The following DMD variants were observed in gnomAD, a reference collection of about 807,000 sequenced individuals.
The protein encoded by DMD is mutant dystrophin.
In DMD, 63 loss-of-function variants were observed where a neutral mutation model predicts 330.1. The observed-to-expected ratio is 0.19, with a 90% CI of 0.16 to 0.24. The LOEUF is 0.24. DMD is among the 10% of genes least tolerant of loss of function. The pLI, the probability that DMD is intolerant of heterozygous loss-of-function variation, is 1.00. For missense variants in DMD, 3,344 were observed against 2,684.1 expected (o/e 1.25, Z -5.43); for synonymous variants, 1,223 against 959.8 (o/e 1.27, Z -5.07).
At chrX:32,436,856 G>A (rs1257013083) in intron 29 of DMD, among the ~76,000 whole-genome samples, 2 of 109,892 alleles carry the variant, frequency 1.8e-5, no homozygotes, top group Non-Finnish European at 3.8e-5. Flanking sequence ...GGAGGCTGAG[G>A]TGGGAAGATC....
intron 51 of DMD, among the ~76,000 whole-genome samples, chrX:31,739,477 C>A (rs777108152): frequency 9.0e-6 from 1 of 111,154 alleles, no homozygotes; most frequent in South Asian, 3.8e-4. Flanking sequence ...AGTAATGTTT[C>A]AATTTGTTGA....
chrX:32,366,284 T>C (rs994724352), intron 34 of DMD, among the ~76,000 whole-genome samples: 3 of 112,130 alleles, frequency 2.7e-5, no homozygotes, highest in Non-Finnish European at 5.6e-5. Flanking sequence ...TGCCTGGTTC[T>C]TTCCCTGCCT....
chrX:31,692,984 A>G (rs1383919356), intron 52 of DMD, among the ~76,000 whole-genome samples: 1 of 112,065 alleles, frequency 8.9e-6, no homozygotes, highest in Non-Finnish European at 1.9e-5. Context: ...AAAGAAAACT[A>G]TAGGCCAATA....
At chrX:31,375,562 ATAGGTGATACT>A (rs2148684377) in intron 60 of DMD, among the ~76,000 whole-genome samples, 1 of 111,804 alleles carries the variant, frequency 8.9e-6, no homozygotes, top group South Asian at 3.8e-4. Context: ...ATGACAGCTA[ATAGGTGATACT>A]TGAGGACATT....
intron 62 of DMD, among the ~76,000 whole-genome samples, chrX:31,306,122 A>C (rs56824643): frequency 0.2 from 22,438 of 110,451 alleles, 4,186 homozygotes; most frequent in African/African-American, 0.58. Context: ...AATTGGGAAA[A>C]CATATTTACT....
At position 31,951,140 on chromosome X, in the gene DMD, T is replaced by C. The variant is rs1374130581; in HGVS notation, c.6614+17199A>G. Among the ~76,000 whole-genome samples, 10 of 71,653 alleles carry C rather than the reference T, an allele frequency of 1.4e-4. 1 individual carries two copies. The highest frequency in any genetic ancestry group is 6.2e-4 in the African/African-American group (10 of 16,020). The allele number at this position is 71,653 out of a possible 115,157, so 62.2% of individuals were successfully genotyped here. A position where few individuals can be genotyped will look rare whatever the true frequency, so the allele number is the denominator to read the frequency against. Reference sequence around the variant, plus strand: ...ATATATACATATATATATATATATATGTGTATATATATATATATGTATATA... The same window carrying C: ...ATATATACATATATATATATATATACGTGTATATATATATATATGTATATA... On this transcript the variant is annotated intron_variant, in intron 45 of 78. Transcript: ENST00000357033.
chrX:31,627,531 T>G, intron 55 of DMD, 142 bp downstream of exon 55: 1 of 599,892 alleles, frequency 1.7e-6, no homozygotes, highest in Non-Finnish European at 2.7e-6. Flanking sequence ...GCCTCTCTCC[T>G]CCTTGTCCAA....
chrX:31,263,983 G>T (rs2050775642), intron 62 of DMD, among the ~76,000 whole-genome samples: 1 of 112,359 alleles, frequency 8.9e-6, no homozygotes, highest in South Asian at 3.7e-4. Flanking sequence ...TACCTGTGAT[G>T]AATCCAGAGC....
intron 7 of DMD, among the ~76,000 whole-genome samples, chrX:32,762,692 TG>T (rs768313591): frequency 6.5e-4 from 72 of 109,959 alleles, no homozygotes; most frequent in Non-Finnish European, 1.2e-3. Context: ...GACCGGAGCC[TG>T]GTGAAGTAAG....
intron 7 of DMD, among the ~76,000 whole-genome samples, chrX:32,758,828 C>A (rs991624856): frequency 9.0e-6 from 1 of 111,727 alleles, no homozygotes; most frequent in Admixed American, 9.5e-5. Flanking sequence ...TGCTCCGCAG[C>A]ATCCCCTGCC....
intron 22 of DMD, 99 bp from the exon 23 acceptor site, chrX:32,468,809 C>G (rs1316928582): frequency 7.2e-6 from 5 of 692,498 alleles, no homozygotes; most frequent in Non-Finnish European, 1.1e-5. Flanking sequence ...ATGATTCAAA[C>G]ATGTAAACAA....
At chrX:32,800,343 T>A (rs970539091) in intron 7 of DMD, among the ~76,000 whole-genome samples, 1 of 111,801 alleles carries the variant, frequency 8.9e-6, no homozygotes. Flanking sequence ...GTGTTCTGTC[T>A]TTTGTGACTA....
At chrX:31,262,789 C>T (rs2050655873) in intron 62 of DMD, among the ~76,000 whole-genome samples, 1 of 112,541 alleles carries the variant, frequency 8.9e-6, no homozygotes, top group Non-Finnish European at 1.9e-5. Context: ...AAGGGGTAGG[C>T]AGGACTGGTA....
At chrX:32,666,965 G>T (rs888973234) in intron 9 of DMD, among the ~76,000 whole-genome samples, 1 of 111,012 alleles carries the variant, frequency 9.0e-6, no homozygotes, top group African/African-American at 3.3e-5. Context: ...AAAGATATCC[G>T]GGCTTCTATG....
intron 1 of DMD, among the ~76,000 whole-genome samples, chrX:33,098,855 C>A (rs2095205805): frequency 9.0e-6 from 1 of 111,371 alleles, no homozygotes; most frequent in Admixed American, 9.6e-5. Context: ...TGTATTTGTC[C>A]CGATTGGCTA....
intron 61 of DMD, among the ~76,000 whole-genome samples, chrX:31,327,463 TGTTAAGTCATATTTTAATCAA>T (rs376672973): frequency 0.069 from 7,691 of 111,815 alleles, 648 homozygotes; most frequent in African/African-American, 0.24. Flanking sequence ...TGCACCCTGG[TGTTAAGTCATATTTTAATCAA>T]CATAGGGGCC....
intron 1 of DMD, among the ~76,000 whole-genome samples, chrX:33,193,116 G>A (rs1293153560): frequency 9.0e-6 from 1 of 111,554 alleles, no homozygotes; most frequent in Admixed American, 9.5e-5. Context: ...AGACCAGCCT[G>A]GCCAACATGG....
chrX:32,713,816 A>G (rs1490269132), intron 7 of DMD, among the ~76,000 whole-genome samples: 3 of 111,747 alleles, frequency 2.7e-5, no homozygotes, highest in Non-Finnish European at 5.6e-5. Flanking sequence ...TGACAGGGTT[A>G]CATTCCAATA....
intron 1 of DMD, among the ~76,000 whole-genome samples, chrX:33,252,218 A>T (rs140512583): frequency 1.7e-4 from 19 of 112,101 alleles, no homozygotes; most frequent in African/African-American, 6.1e-4. Context: ...ATATTTTGAG[A>T]TGATTTACAG....
Sources: gnomAD v4.1 joint callset for allele counts (sites outside exome capture counted in the v4.1 genomes callset) on GRCh38, gnomAD v4.1.1 for gene constraint, MANE v1.5 for transcripts, NCBI Gene and HGNC (gene_info 2026-07-23, HGNC 2026-07-21) for gene names.